The following RASL12 variants were observed in gnomAD, a reference collection of about 807,000 sequenced individuals.
RASL12 encodes the protein ras-like protein family member 12.
In RASL12, 16 loss-of-function variants were observed where a neutral mutation model predicts 22.9. The ratio of observed to expected loss-of-function variants is 0.70; its 90% confidence interval spans 0.47 to 1.06. The LOEUF (loss-of-function observed/expected upper bound fraction) is 1.06, where lower values mean the gene tolerates loss of function less well. RASL12 is among the 50% of genes least tolerant of loss of function. The pLI is 0.00. For synonymous variants in RASL12, 159 were observed against 152.2 expected, an observed-to-expected ratio of 1.04 and a Z score of -0.33; for missense variants, 306 against 353.1, an observed-to-expected ratio of 0.87 and a Z score of 1.07.
At chr15:65,052,865 C>A, downstream of RASL12, 1 of 1,056,932 alleles carries the variant, frequency 9.5e-7, no homozygotes, top group Non-Finnish European at 1.4e-6. Flanking sequence ...TCCCAAACTG[C>A]ATAGAGAATT....
At chr15:65,049,791 G>A (rs770352514), downstream of RASL12, 76 of 428,718 alleles carry the variant, frequency 1.8e-4, no homozygotes, top group Admixed American at 1.7e-4. Context: ...GTTCGTTCGG[G>A]TCGTTTTTGT....
chr15:65,073,861 A>G (rs2086947810), intron 1 of RASL12, among the ~76,000 whole-genome samples: 1 of 152,244 alleles, frequency 6.6e-6, no homozygotes. Flanking sequence ...AAGTGCTTAC[A>G]ACAGTGCCTG....
rs1334120296 is a variant in RASL12, at chr15:65,054,610, T to TAA, written c.*288_*289insTT. ...GATGGCAGCAGGATAGACACTGCAA[T>TAA]TTCTTCCTACTTAAGGCTGACCCCA... On this transcript the variant is annotated 3_prime_UTR_variant, in exon 5 of 5. Coordinates refer to ENST00000220062, the MANE Select transcript of RASL12 (RefSeq NM_016563.4). 4 of 1,261,614 alleles carry TAA rather than the reference T, an allele frequency of 3.2e-6. No individual in the cohort carries two copies. The African/African-American group carries it at 4.5e-5, about 14-fold the overall frequency. The allele number at this position is 1,261,614 out of a possible 1,614,324, so 78.2% of individuals were successfully genotyped here.
chr15:65,068,840 T>C (rs142461019), upstream of RASL12, among the ~76,000 whole-genome samples: 10 of 152,230 alleles, frequency 6.6e-5, no homozygotes, highest in East Asian at 1.9e-3. The surrounding 1 kb of genome is among the most constrained non-coding windows in gnomAD (Gnocchi z 4.2). Flanking sequence ...CCTAGAGTAA[T>C]CTTGGGCAAG....
At chr15:65,076,169 C>T (rs2086967381) in intron 1 of RASL12, among the ~76,000 whole-genome samples, 1 of 152,252 alleles carries the variant, frequency 6.6e-6, no homozygotes, top group Non-Finnish European at 1.5e-5. Flanking sequence ...CTACCCGAGC[C>T]AGCAGTGGCA....
intron 2 of RASL12, among the ~76,000 whole-genome samples, chr15:65,063,853 C>A (rs1431631239): frequency 6.6e-6 from 1 of 152,244 alleles, no homozygotes; most frequent in African/African-American, 2.4e-5. Context: ...GGGTAAGGAG[C>A]TCTCCCCTCC....
At chr15:65,065,835 T>G (rs1478392152) in intron 1 of RASL12, among the ~76,000 whole-genome samples, 1 of 152,132 alleles carries the variant, frequency 6.6e-6, no homozygotes, top group Non-Finnish European at 1.5e-5. Flanking sequence ...GTCTCCCACA[T>G]CGCAAGTCTT....
chr15:65,063,102 T>C (rs557901659), intron 2 of RASL12, among the ~76,000 whole-genome samples: 1 of 152,058 alleles, frequency 6.6e-6, no homozygotes, highest in South Asian at 2.1e-4. Flanking sequence ...CCTAATAGGC[T>C]CATCCGGTGG....
chr15:65,073,703 CCT>C (rs1052729131), intron 1 of RASL12, among the ~76,000 whole-genome samples: 3 of 152,188 alleles, frequency 2.0e-5, no homozygotes, highest in African/African-American at 7.2e-5. Context: ...TGTGACTAAA[CCT>C]CTTGGTGCTT....
chr15:65,056,872 C>T (rs1203699003), intron 4 of RASL12, among the ~76,000 whole-genome samples: 1 of 152,192 alleles, frequency 6.6e-6, no homozygotes. Flanking sequence ...GGATCAGCTT[C>T]ATTTGAGCAT....
At chr15:65,047,036 A>G in the RASL12 span, among the ~76,000 whole-genome samples, 1 of 152,210 alleles carries the variant, frequency 6.6e-6, no homozygotes, top group African/African-American at 2.4e-5. Flanking sequence ...CTCAAAAGGT[A>G]TAAGTACAAT....
Position 65,054,392 on chromosome 15 carries a change from A to G in RASL12, c.*507T>C. 1 of 987,568 alleles carries G rather than the reference A, an allele frequency of 1.0e-6. No homozygotes were observed. 61.2% of individuals were successfully genotyped at this position (987,568 alleles called of 1,614,324 possible). A position where few individuals can be genotyped will look rare whatever the true frequency, so the allele number is the denominator to read the frequency against. On this transcript the variant is annotated 3_prime_UTR_variant, in exon 5 of 5. Coordinates refer to ENST00000220062, the MANE Select transcript of RASL12 (RefSeq NM_016563.4). ...TGTAGCCTGGGCCTTCTGTGAAGTC[A>G]GCAGATGACAGGAGGGCCAGGCTCT...
At chr15:65,052,679 G>A (rs1258297158), downstream of RASL12, among the ~76,000 whole-genome samples, 1 of 152,102 alleles carries the variant, frequency 6.6e-6, no homozygotes, top group Admixed American at 6.5e-5. Context: ...TTACAGGTGT[G>A]AGCCACTGCA....
Position 65,067,784 on chromosome 15 carries a change from G to C in RASL12, c.52C>G (p.Pro18Ala). The C allele has an allele frequency of 6.3e-7, 1 of 1,581,510 alleles. No homozygotes were observed. The highest frequency in any genetic ancestry group is 8.6e-7 in the Non-Finnish European group (1 of 1,166,748). ...PRAGSGPQSAPLEVNLAILGR... is the reference protein window; with the variant it reads ...PRAGSGPQSAALEVNLAILGR... ...AGGATGGCCAGGTTGACCTCGAGGG[G>C]CGCGCTCTGAGGCCCGCTGCCCGCG... The change falls in exon 1 of 5, where the codon CCC becomes GCC. Residue 18 changes from proline (P) to alanine (A), a missense_variant. Coordinates refer to ENST00000220062, the MANE Select transcript of RASL12 (RefSeq NM_016563.4).
chr15:65,046,919 C>CAAA, the RASL12 span, among the ~76,000 whole-genome samples: 1 of 150,178 alleles, frequency 6.7e-6, no homozygotes, highest in Admixed American at 6.6e-5. Flanking sequence ...TCTCAAAAAA[C>CAAA]AAAAAACAAA....
chr15:65,071,820 C>T (rs368860134), upstream of RASL12, among the ~76,000 whole-genome samples: 52 of 152,258 alleles, frequency 3.4e-4, no homozygotes, highest in African/African-American at 1.2e-3. Context: ...GGAGTCAGCC[C>T]TTCTCCAGCC....
At chr15:65,071,055 G>A (rs1181420607), upstream of RASL12, among the ~76,000 whole-genome samples, 19 of 152,236 alleles carry the variant, frequency 1.2e-4, no homozygotes, top group Non-Finnish European at 2.9e-5. Flanking sequence ...AAGTGGCAAG[G>A]GCCAGGGCGT....
At chr15:65,069,612 A>G (rs149923833), upstream of RASL12, among the ~76,000 whole-genome samples, 71 of 152,300 alleles carry the variant, frequency 4.7e-4, no homozygotes, top group Admixed American at 7.8e-4. Context: ...AACTTGACCA[A>G]CCAGGAGATG....
chr15:65,070,990 G>C (rs1196797534), upstream of RASL12, among the ~76,000 whole-genome samples: 2 of 152,244 alleles, frequency 1.3e-5, no homozygotes, highest in East Asian at 3.9e-4. Context: ...TCCTCCTCTA[G>C]GTCCAGGCAG....
Sources: allele counts gnomAD v4.1 joint callset (sites outside exome capture counted in the v4.1 genomes callset), GRCh38; gene constraint gnomAD v4.1.1; non-coding constraint Gnocchi (gnomAD v3.1); transcripts MANE v1.5; gene names NCBI Gene and HGNC (gene_info 2026-07-23, HGNC 2026-07-21).